ABHD5: variants seen among roughly 807,000 people sequenced by gnomAD.
The protein encoded by ABHD5 is 1-acylglycerol-3-phosphate O-acyltransferase ABHD5.
ABHD5 carries 30 observed loss-of-function variants against 44.9 expected under a neutral mutation model. That is an observed-to-expected ratio of 0.67 (90% confidence interval 0.50 to 0.91). The LOEUF is 0.91. ABHD5 is among the 40% of genes least tolerant of loss of function. The pLI, the probability that ABHD5 is intolerant of heterozygous loss-of-function variation, is 0.00. For missense variants in ABHD5, 399 were observed against 423.4 expected (o/e 0.94, Z 0.50); for synonymous variants, 167 against 147.0 (o/e 1.14, Z -0.99).
In ABHD5 at chr3:43,721,852, G is replaced by A. The variant is rs2149609215; in HGVS notation, c.*3320G>A. 6.6e-6 allele frequency: 1 copy of A among 152,104 alleles called. No homozygotes were observed. The highest frequency in any genetic ancestry group is 1.9e-4 in the East Asian group (1 of 5,182). The allele number at this position is 152,104 out of a possible 1,614,324, so 9.4% of individuals were successfully genotyped here. A position where few individuals can be genotyped will look rare whatever the true frequency, so the allele number is the denominator to read the frequency against. ...AGTTAACAGAAAATAGAATGCAAATGGTCTTTAAACATACAAGGATATGCA... is the reference window on the plus strand; with the variant it reads ...AGTTAACAGAAAATAGAATGCAAATAGTCTTTAAACATACAAGGATATGCA... On this transcript the variant is annotated 3_prime_UTR_variant, in exon 7 of 7. Transcript: ENST00000644371.
At position 43,715,012 on chromosome 3, in the gene ABHD5, G is replaced by A. The variant is rs764177895; in HGVS notation, c.727G>A (p.Asp243Asn). Residue 243 changes from aspartate to asparagine, a missense_variant, in exon 5 of 7, where the codon GAT (aspartate) becomes AAT (asparagine). Asp to Asn is a conservative substitution (Grantham distance 23, BLOSUM62 1). Coordinates refer to ENST00000644371, the MANE Select transcript of ABHD5 (RefSeq NM_016006.6). ...KRKYSSMFED[D>N]TVTEYIYHCN... ...AAAGTATTCTTCAATGTTCGAAGACGATACTGTGACAGAATACATCTACCA... is the reference window on the plus strand; with the variant it reads ...AAAGTATTCTTCAATGTTCGAAGACAATACTGTGACAGAATACATCTACCA... 1.4e-5 allele frequency: 23 copies of A among 1,613,058 alleles called. No individual in the cohort carries two copies. The highest frequency in any genetic ancestry group is 7.7e-5 in the South Asian group (7 of 91,042).
chr3:43,722,103 C>G lies in ABHD5; in HGVS notation c.*3571C>G, dbSNP rs1316591235. 1 of 152,140 alleles carries G rather than the reference C, an allele frequency of 6.6e-6. No individual in the cohort carries two copies. Among genetic ancestry groups the G allele is most frequent in the Non-Finnish European group, 1.5e-5 (1 of 68,028 alleles). 9.4% of individuals were successfully genotyped at this position (152,140 alleles called of 1,614,324 possible). On this transcript the variant is annotated 3_prime_UTR_variant, in exon 7 of 7. Coordinates refer to ENST00000644371, the MANE Select transcript of ABHD5 (RefSeq NM_016006.6). ...TAAGAATCCATATGAGATGCACTTG[C>G]AAGAATATGAAATAGTATATGCACA...
intron 7 of ABHD5, among the ~76,000 whole-genome samples, chr3:43,730,326 A>T (rs2084904642): frequency 6.6e-6 from 1 of 152,210 alleles, no homozygotes; most frequent in Admixed American, 6.5e-5. Flanking sequence ...TCATACCTGG[A>T]GAAGTAATCT....
intron 3 of ABHD5, among the ~76,000 whole-genome samples, chr3:43,703,684 T>C (rs2084577568): frequency 6.6e-6 from 1 of 152,202 alleles, no homozygotes; most frequent in East Asian, 1.9e-4. Flanking sequence ...AAATTGCAAC[T>C]GATTTTGACT....
Position 43,718,795 on chromosome 3 carries a change from CTCTGATGTA to C in ABHD5, c.*264_*272del. 2.7e-6 allele frequency: 1 copy of C among 376,390 alleles called. No individual in the cohort carries two copies. Among genetic ancestry groups the C allele is most frequent in the Non-Finnish European group, 4.9e-6 (1 of 205,194 alleles). 23.3% of individuals were successfully genotyped at this position (376,390 alleles called of 1,614,324 possible). A position where few individuals can be genotyped will look rare whatever the true frequency, so the allele number is the denominator to read the frequency against. On this transcript the variant is annotated 3_prime_UTR_variant, in exon 7 of 7. Coordinates refer to ENST00000644371, the MANE Select transcript of ABHD5 (RefSeq NM_016006.6). Reference sequence around the variant, plus strand: ...CCTTTAAATAAAAGGTTATTTGTCCCTCTGATGTACTGAAAAACTGTAATTTTTCAGCTG... The same window carrying C: ...CCTTTAAATAAAAGGTTATTTGTCCCCTGAAAAACTGTAATTTTTCAGCTG...
intron 7 of ABHD5, among the ~76,000 whole-genome samples, chr3:43,731,238 A>G (rs1450636005): frequency 3.3e-5 from 5 of 152,200 alleles, no homozygotes; most frequent in African/African-American, 9.7e-5. Context: ...ACCTCCTAAG[A>G]ATTCCAAGGA....
intron 2 of ABHD5, among the ~76,000 whole-genome samples, chr3:43,701,530 T>C (rs2084542117): frequency 6.6e-6 from 1 of 152,226 alleles, no homozygotes; most frequent in Non-Finnish European, 1.5e-5. Context: ...TTAAAGTATT[T>C]AGTTCCACAA....
At chr3:43,703,483 T>C (rs2084574930) in intron 3 of ABHD5, among the ~76,000 whole-genome samples, 1 of 152,110 alleles carries the variant, frequency 6.6e-6, no homozygotes, top group Admixed American at 6.6e-5. Context: ...CCAGCCCCTT[T>C]ACGTTATTTT....
At chr3:43,705,346 A>T (rs1284709887) in intron 3 of ABHD5, among the ~76,000 whole-genome samples, 3 of 152,202 alleles carry the variant, frequency 2.0e-5, no homozygotes, top group African/African-American at 7.2e-5. Context: ...CAGTTAGTCT[A>T]CATCTTGAGT....
intron 7 of ABHD5, among the ~76,000 whole-genome samples, chr3:43,731,462 A>G (rs553672354): frequency 1.3e-5 from 2 of 152,328 alleles, no homozygotes; most frequent in South Asian, 4.1e-4. Context: ...TGAACATGCA[A>G]ACACTCAGAC....
intron 3 of ABHD5, chr3:43,707,666 T>A (rs572412283): frequency 6.6e-6 from 1 of 152,202 alleles, no homozygotes; most frequent in African/African-American, 2.4e-5. Context: ...TCTTGCTCTG[T>A]TGCCCTGGCT....
rs143489624 is a variant in ABHD5 at position 43,714,965 on chromosome 3, G to A, written c.680G>A (p.Arg227His). 6.2e-6 allele frequency: 10 copies of A among 1,612,948 alleles called. No individual in the cohort carries two copies. Among genetic ancestry groups the A allele is most frequent in the African/African-American group, 2.7e-5 (2 of 74,822 alleles). Residue 227 changes from arginine to histidine, a missense_variant, in exon 5 of 7, where the codon CGT (arginine) becomes CAT (histidine). Transcript: ENST00000644371. ...AGPFGLSLVQRLRPDFKRKYS... is the reference protein window; with the variant it reads ...AGPFGLSLVQHLRPDFKRKYS... ...TAAATAGGTTTAAGTCTAGTGCAGC[G>A]TTTAAGGCCTGATTTCAAACGAAAG...
chr3:43,717,008 T>C (rs896826659), intron 5 of ABHD5, among the ~76,000 whole-genome samples: 1 of 152,036 alleles, frequency 6.6e-6, no homozygotes, highest in Non-Finnish European at 1.5e-5. Flanking sequence ...CCGTCTCTAC[T>C]GAAAATACAA....
intron 7 of ABHD5, among the ~76,000 whole-genome samples, chr3:43,733,105 G>A (rs546697220): frequency 4.6e-5 from 7 of 152,282 alleles, no homozygotes; most frequent in East Asian, 1.9e-4. Context: ...GACATCCCGC[G>A]GTCTTTGCTG....
At chr3:43,728,392 A>G (rs1319268182) in intron 7 of ABHD5, among the ~76,000 whole-genome samples, 3 of 152,234 alleles carry the variant, frequency 2.0e-5, no homozygotes, top group African/African-American at 4.8e-5. Context: ...GTCAGCAACA[A>G]TCTTGAGTAA....
intron 3 of ABHD5, among the ~76,000 whole-genome samples, chr3:43,703,131 A>G (rs1559412721): frequency 6.6e-6 from 1 of 151,996 alleles, no homozygotes. Flanking sequence ...AAAACATTGA[A>G]TTAATGAACA....
At chr3:43,730,414 G>A (rs2084905140) in intron 7 of ABHD5, among the ~76,000 whole-genome samples, 1 of 151,932 alleles carries the variant, frequency 6.6e-6, no homozygotes, top group African/African-American at 2.4e-5. Context: ...GGACTTCCTG[G>A]ATCTGTCTTC....
At chr3:43,694,045 C>T (rs1352957019) in intron 1 of ABHD5, among the ~76,000 whole-genome samples, 1 of 137,312 alleles carries the variant, frequency 7.3e-6, no homozygotes, top group Non-Finnish European at 1.5e-5. Flanking sequence ...CCGTGGTTCA[C>T]GCCTGTAATC....
intron 4 of ABHD5, among the ~76,000 whole-genome samples, chr3:43,714,284 G>A (rs1228875231): frequency 1.3e-5 from 2 of 151,854 alleles, no homozygotes; most frequent in East Asian, 3.9e-4. Context: ...ACAGGTGCAC[G>A]CCACCACGCC....
Sources: allele counts gnomAD v4.1 joint callset (sites outside exome capture counted in the v4.1 genomes callset), GRCh38; gene constraint gnomAD v4.1.1; transcripts MANE v1.5; gene names NCBI Gene and HGNC (gene_info 2026-07-23, HGNC 2026-07-21).